The following PCDH15 variants were observed in gnomAD, a reference collection of about 807,000 sequenced individuals.
The protein encoded by PCDH15 is protocadherin related 15.
A neutral mutation model predicts 178.5 loss-of-function variants in PCDH15; 129 were observed. The ratio of observed to expected loss-of-function variants is 0.72; its 90% CI spans 0.63 to 0.84. The LOEUF (loss-of-function observed/expected upper bound fraction) is 0.84, where lower values mean the gene tolerates loss of function less well. Ranked by LOEUF, PCDH15 falls within the 40% of genes least tolerant of loss-of-function variation. The probability of loss-of-function intolerance (pLI) is 0.00; values close to 1 mark genes in which losing one functional copy is unlikely to be tolerated. For missense variants in PCDH15, 2,230 were observed against 2,099.9 expected (o/e 1.06, Z -1.21); for synonymous variants, 800 against 732.0 (o/e 1.09, Z -1.50).
At chr10:54,661,597 G>A (rs2094493288) in intron 2 of PCDH15, among the ~76,000 whole-genome samples, 1 of 151,666 alleles carries the variant, frequency 6.6e-6, no homozygotes, top group African/African-American at 2.4e-5. Flanking sequence ...AATAGCCAAA[G>A]CAATCCTAAG....
chr10:53,890,355 G>A (rs1371277392), intron 26 of PCDH15, among the ~76,000 whole-genome samples: 1 of 152,176 alleles, frequency 6.6e-6, no homozygotes, highest in East Asian at 1.9e-4. Context: ...TGAACCTGGA[G>A]GCGGAGGTTG....
At chr10:54,422,016 C>A (rs752933778) in intron 3 of PCDH15, among the ~76,000 whole-genome samples, 5 of 147,990 alleles carry the variant, frequency 3.4e-5, no homozygotes, top group Non-Finnish European at 7.4e-5. Context: ...ACTTTGCAGA[C>A]AAAGTTGATT....
rs774100942 is a variant in PCDH15, at chr10:53,827,485, T to G, written c.4275A>C (p.Ala1425=). 16 of 1,614,110 alleles carry G rather than the reference T, an allele frequency of 9.9e-6. No individual in the cohort carries two copies. Among genetic ancestry groups the G allele is most frequent in the Non-Finnish European group, 1.1e-5 (13 of 1,179,952 alleles). ...IQAALPAAKP[A]VPAPAPVAAP... is the part of the protein sequence containing the mutation. ...CTGCCACTGGTGCAGGAGCCGGCAC[T>G]GCTGGTTTAGCCGCGGGTAATGCGG... is the stretch of plus-strand genomic sequence containing the variant. Residue 1425 remains alanine, a synonymous_variant, in exon 32 of 38, where the codon GCA becomes GCC. Coordinates refer to ENST00000644397, the MANE Select transcript of PCDH15 (RefSeq NM_001384140.1).
chr10:54,735,957 G>A (rs2132722298), intron 1 of PCDH15, among the ~76,000 whole-genome samples: 1 of 147,064 alleles, frequency 6.8e-6, no homozygotes, highest in East Asian at 2.0e-4. Flanking sequence ...CATGGCACAT[G>A]TATACATATG....
chr10:53,990,831 T>A (rs1480023177), intron 21 of PCDH15, among the ~76,000 whole-genome samples: 4 of 151,936 alleles, frequency 2.6e-5, no homozygotes, highest in Non-Finnish European at 5.9e-5. Context: ...AGGTGGGAAC[T>A]GGGGCTGTGC....
At chr10:54,226,220 G>C (rs189096844) in intron 9 of PCDH15, among the ~76,000 whole-genome samples, 2 of 152,282 alleles carry the variant, frequency 1.3e-5, no homozygotes, top group Admixed American at 1.3e-4. Flanking sequence ...GCAAGGAAAA[G>C]CACGTCACTT....
intron 5 of PCDH15, among the ~76,000 whole-genome samples, chr10:54,354,782 T>A (rs1339213809): frequency 1.3e-5 from 2 of 152,188 alleles, no homozygotes; most frequent in Non-Finnish European, 2.9e-5. Context: ...GTCAGTGTTA[T>A]GCTTCTCATG....
intron 2 of PCDH15, among the ~76,000 whole-genome samples, chr10:54,948,655 C>A (rs1054728020): frequency 6.6e-6 from 1 of 151,834 alleles, no homozygotes; most frequent in Admixed American, 6.6e-5. Flanking sequence ...TTTACTGGAG[C>A]TGGGACATTC....
Position 54,213,948 on chromosome 10 carries a change from A to G in PCDH15, c.1086T>C (p.Asp362=), listed in dbSNP as rs1436469517. Residue 362 remains aspartate, a synonymous_variant, in exon 10 of 38, where the codon GAT becomes GAC. Transcript: ENST00000644397. ...PVNRDFHQKF[D]LVIKAEQDNG... is the part of the protein sequence containing the mutation. ...TAGCTTAATTTACCTTAATAACCAAATCAAATTTCTGGTGAAAGTCTCTGT... is the reference window on the plus strand; with the variant it reads ...TAGCTTAATTTACCTTAATAACCAAGTCAAATTTCTGGTGAAAGTCTCTGT... 5 of 1,586,342 alleles carry G rather than the reference A, an allele frequency of 3.2e-6. No individual in the cohort carries two copies. The highest frequency in any genetic ancestry group is 4.3e-6 in the Non-Finnish European group (5 of 1,155,270).
chr10:54,124,679 C>T (rs77853084), intron 15 of PCDH15, among the ~76,000 whole-genome samples: 1,974 of 152,258 alleles, frequency 0.013, 39 homozygotes, highest in African/African-American at 0.045. Context: ...CGATGCAGTG[C>T]CTATGATTCA....
At chr10:55,014,307 A>G (rs1349197852) in intron 2 of PCDH15, among the ~76,000 whole-genome samples, 1 of 152,138 alleles carries the variant, frequency 6.6e-6, no homozygotes, top group Non-Finnish European at 1.5e-5. Context: ...ATTAGGTGAG[A>G]TGCAATACAC....
chr10:55,006,771 C>T (rs1017818216), intron 2 of PCDH15, among the ~76,000 whole-genome samples: 1 of 152,154 alleles, frequency 6.6e-6, no homozygotes, highest in African/African-American at 2.4e-5. Flanking sequence ...TATTTTGGAG[C>T]TTTAATATTT....
At chr10:54,685,719 G>C (rs1280086594) in intron 1 of PCDH15, among the ~76,000 whole-genome samples, 1 of 152,140 alleles carries the variant, frequency 6.6e-6, no homozygotes, top group Non-Finnish European at 1.5e-5. Flanking sequence ...GAACATCATA[G>C]CTTAGCTTAG....
At chr10:53,873,856 T>C (rs1190898852) in intron 26 of PCDH15, among the ~76,000 whole-genome samples, 1 of 152,164 alleles carries the variant, frequency 6.6e-6, no homozygotes, top group Non-Finnish European at 1.5e-5. Context: ...GGTTCCTTTT[T>C]GAAAAGAGGC....
At chr10:55,160,639 T>C (rs1167974351) in intron 2 of PCDH15, among the ~76,000 whole-genome samples, 11 of 152,080 alleles carry the variant, frequency 7.2e-5, no homozygotes, top group Non-Finnish European at 1.3e-4. Flanking sequence ...TTTGCATTTC[T>C]GTTGCATCAA....
chr10:55,572,087 GCT>G (rs1467621387), intron 2 of PCDH15, among the ~76,000 whole-genome samples: 1 of 151,924 alleles, frequency 6.6e-6, no homozygotes, highest in Non-Finnish European at 1.5e-5. Flanking sequence ...TTGGCTCTGT[GCT>G]CTCTTTAGAG....
At chr10:54,259,634 G>A (rs901203950) in intron 8 of PCDH15, among the ~76,000 whole-genome samples, 1 of 152,064 alleles carries the variant, frequency 6.6e-6, no homozygotes, top group South Asian at 2.1e-4. Flanking sequence ...TTAATGTAGT[G>A]GGCTATTTAA....
chr10:54,390,854 T>C (rs1950467998), intron 3 of PCDH15, among the ~76,000 whole-genome samples: 1 of 152,194 alleles, frequency 6.6e-6, no homozygotes, highest in East Asian at 1.9e-4. Flanking sequence ...AGATATTCAA[T>C]GTTTTCACCA....
intron 1 of PCDH15, among the ~76,000 whole-genome samples, chr10:55,287,655 G>A (rs1010235446): frequency 2.6e-5 from 4 of 151,830 alleles, no homozygotes; most frequent in African/African-American, 9.7e-5. Context: ...AAAATATTAA[G>A]TCAGCTTTTT....
Sources: allele counts gnomAD v4.1 joint callset (sites outside exome capture counted in the v4.1 genomes callset), GRCh38; gene constraint gnomAD v4.1.1; transcripts MANE v1.5; gene names NCBI Gene and HGNC (gene_info 2026-07-23, HGNC 2026-07-21).